CELF4: variants seen among roughly 807,000 people sequenced by gnomAD.
CELF4 encodes the protein CUG-BP- and ETR-3-like factor 4.
In CELF4, 18 loss-of-function variants were observed where a neutral mutation model predicts 59.9. That is an observed-to-expected ratio of 0.30 (90% CI 0.21 to 0.45). CELF4 has a LOEUF of 0.45. CELF4 is among the 20% of genes least tolerant of loss of function. The pLI is 1.00. For missense variants in CELF4, 456 were observed against 689.0 expected (o/e 0.66, Z 3.79); for synonymous variants, 261 against 267.1 (o/e 0.98, Z 0.22).
chr18:37,514,489 C>G (rs1039804683), intron 1 of CELF4, among the ~76,000 whole-genome samples: 6 of 152,230 alleles, frequency 3.9e-5, no homozygotes, highest in Admixed American at 6.5e-5. Context: ...CTTCCGAGAG[C>G]CTGGTATCTG....
chr18:37,291,438 C>T (rs59251902), intron 3 of CELF4, among the ~76,000 whole-genome samples: 16,816 of 152,236 alleles, frequency 0.11, 989 homozygotes, highest in Middle Eastern at 0.14. Flanking sequence ...CTTTCTACCC[C>T]GCACCCTGGT....
At chr18:37,423,383 A>T (rs1014461674) in intron 2 of CELF4, among the ~76,000 whole-genome samples, 5 of 152,116 alleles carry the variant, frequency 3.3e-5, no homozygotes, top group African/African-American at 9.7e-5. Flanking sequence ...CATGGAAAGG[A>T]GTCCTTGTGG....
chr18:37,311,661 C>T (rs142378291), intron 3 of CELF4, among the ~76,000 whole-genome samples: 1,911 of 151,754 alleles, frequency 0.013, 54 homozygotes, highest in East Asian at 0.092. Context: ...TGGTGGCACG[C>T]GCCTATAATC....
chr18:37,392,786 T>C (rs1436354653), intron 2 of CELF4, among the ~76,000 whole-genome samples: 1 of 152,218 alleles, frequency 6.6e-6, no homozygotes, highest in Non-Finnish European at 1.5e-5. Flanking sequence ...GTCCCTCAGG[T>C]CTCAGCTCAA....
At chr18:37,564,544 A>T (rs961867640) in intron 1 of CELF4, among the ~76,000 whole-genome samples, 1 of 152,190 alleles carries the variant, frequency 6.6e-6, no homozygotes, top group Non-Finnish European at 1.5e-5. Flanking sequence ...AGCTCTCTGC[A>T]TGGTGAGTTT....
At chr18:37,402,468 C>T (rs1473899717) in intron 2 of CELF4, among the ~76,000 whole-genome samples, 2 of 152,214 alleles carry the variant, frequency 1.3e-5, no homozygotes, top group Middle Eastern at 3.4e-3. Context: ...CCCCTTTGAG[C>T]CTGGGTGGAC....
Position 37,407,905 on chromosome 18 carries a change from T to C in CELF4, c.369+77620A>G, listed in dbSNP as rs779877261. On this transcript the variant is annotated intron_variant, in intron 2 of 12. Coordinates refer to ENST00000420428, the MANE Select transcript of CELF4 (RefSeq NM_020180.4). Reference sequence around the variant, plus strand: ...TTTGGGGGGCATATTTCAGGCAACCTTTTCCTTTTTTAATCAAATCTGCTC... The same window carrying C: ...TTTGGGGGGCATATTTCAGGCAACCCTTTCCTTTTTTAATCAAATCTGCTC... 7.4e-4 allele frequency among the ~76,000 whole-genome samples: 98 copies of C among 132,520 alleles called. 1 individual carries two copies. Among genetic ancestry groups the C allele is most frequent in the Non-Finnish European group, 1.3e-3 (77 of 60,040 alleles). 86.9% of individuals were successfully genotyped at this position (132,520 alleles called of 152,430 possible).
At chr18:37,517,618 T>C (rs2099952235) in intron 1 of CELF4, among the ~76,000 whole-genome samples, 1 of 152,212 alleles carries the variant, frequency 6.6e-6, no homozygotes, top group Non-Finnish European at 1.5e-5. Context: ...CCTGTCTAAC[T>C]GTCTCCAGGG....
Position 37,243,160 on chromosome 18 carries a change from CTGT to C in CELF4, c.*2079_*2081del, listed in dbSNP as rs1342370000. ...AAAGAGCAGTTGTACTGAACTGCAG[CTGT>C]TTTCTTTTTTTTTTCTTTTTTTCTT... On this transcript the variant is annotated 3_prime_UTR_variant, in exon 13 of 13. Transcript: ENST00000420428. 7.7e-6 allele frequency: 1 copy of C among 130,704 alleles called. No homozygotes were observed. The highest frequency in any genetic ancestry group is 1.6e-5 in the Non-Finnish European group (1 of 63,618). 8.1% of individuals were successfully genotyped at this position (130,704 alleles called of 1,614,324 possible). A position where few individuals can be genotyped will look rare whatever the true frequency, so the allele number is the denominator to read the frequency against.
At chr18:37,292,532 TC>T (rs772181187) in intron 3 of CELF4, among the ~76,000 whole-genome samples, 1 of 152,170 alleles carries the variant, frequency 6.6e-6, no homozygotes, top group Non-Finnish European at 1.5e-5. Flanking sequence ...CTGGCTTTTC[TC>T]CCTGACACCG....
At chr18:37,343,466 T>C (rs2098130569) in intron 2 of CELF4, among the ~76,000 whole-genome samples, 1 of 151,522 alleles carries the variant, frequency 6.6e-6, no homozygotes, top group African/African-American at 2.4e-5. Flanking sequence ...CAGAGCTGCA[T>C]ACAGCCACCA....
At chr18:37,412,877 T>A (rs1038207450) in intron 2 of CELF4, among the ~76,000 whole-genome samples, 1 of 152,042 alleles carries the variant, frequency 6.6e-6, no homozygotes, top group Non-Finnish European at 1.5e-5. Context: ...TGTGTGAGGT[T>A]CTCAGTTGTT....
intron 2 of CELF4, among the ~76,000 whole-genome samples, chr18:37,444,254 C>G (rs770466888): frequency 6.6e-6 from 1 of 152,134 alleles, no homozygotes; most frequent in Non-Finnish European, 1.5e-5. Context: ...CTGTATAGAC[C>G]CCCTGTGTGG....
At chr18:37,302,638 C>T (rs375085344) in intron 3 of CELF4, among the ~76,000 whole-genome samples, 51 of 152,248 alleles carry the variant, frequency 3.3e-4, no homozygotes, top group African/African-American at 1.1e-3. Flanking sequence ...TGAGGATTGA[C>T]GCCTCCCCAG....
intron 3 of CELF4, chr18:37,275,515 G>T (rs1201912100): frequency 2.1e-6 from 1 of 466,464 alleles, no homozygotes; most frequent in Admixed American, 3.5e-5. Flanking sequence ...GGATCGCAGC[G>T]ACTCGGCCTC....
intron 1 of CELF4, among the ~76,000 whole-genome samples, chr18:37,539,249 A>G (rs2154605386): frequency 6.6e-6 from 1 of 152,252 alleles, no homozygotes; most frequent in African/African-American, 2.4e-5. Flanking sequence ...ACCCTCAACA[A>G]TGGCTCTGTT....
At chr18:37,271,702 G>A (rs1024391131) in intron 7 of CELF4, among the ~76,000 whole-genome samples, 6 of 152,102 alleles carry the variant, frequency 3.9e-5, no homozygotes, top group African/African-American at 1.2e-4. Flanking sequence ...GCCTTCTCTC[G>A]TACTGAGGCA....
At chr18:37,267,850 A>AT (rs1325515556) in intron 8 of CELF4, among the ~76,000 whole-genome samples, 2 of 152,188 alleles carry the variant, frequency 1.3e-5, no homozygotes, top group African/African-American at 4.8e-5. Flanking sequence ...AGCCTGGCCA[A>AT]CATGGTGAAA....
intron 2 of CELF4, among the ~76,000 whole-genome samples, chr18:37,392,458 G>A (rs879148696): frequency 2.6e-5 from 4 of 152,164 alleles, no homozygotes; most frequent in Non-Finnish European, 5.9e-5. Flanking sequence ...GGATCTGACC[G>A]CTGACCACTC....
Sources: gnomAD v4.1 joint callset for allele counts (sites outside exome capture counted in the v4.1 genomes callset) on GRCh38, gnomAD v4.1.1 for gene constraint, MANE v1.5 for transcripts, NCBI Gene and HGNC (gene_info 2026-07-23, HGNC 2026-07-21) for gene names.